The following AMBRA1 variants were observed in gnomAD, a reference collection of about 807,000 sequenced individuals.
AMBRA1 encodes activating molecule in BECN1-regulated autophagy protein 1.
In AMBRA1, 47 loss-of-function variants were observed where a neutral mutation model predicts 125.4. The ratio of observed to expected loss-of-function variants is 0.37; its 90% CI spans 0.30 to 0.48. AMBRA1 has a LOEUF of 0.48. Ranked by LOEUF, AMBRA1 falls within the 20% of genes least tolerant of loss-of-function variation. The pLI is 0.99. For missense variants in AMBRA1, 1,331 were observed against 1,693.4 expected (o/e 0.79, Z 3.76); for synonymous variants, 626 against 655.5 (o/e 0.95, Z 0.69).
intron 14 of AMBRA1, among the ~76,000 whole-genome samples, chr11:46,423,353 T>C (rs948819807): frequency 6.6e-6 from 1 of 152,166 alleles, no homozygotes. Flanking sequence ...AATTCAGAAT[T>C]CACAAAATGT....
chr11:46,438,716 A>C (rs1947851090), intron 12 of AMBRA1, among the ~76,000 whole-genome samples: 1 of 152,184 alleles, frequency 6.6e-6, no homozygotes, highest in African/African-American at 2.4e-5. Context: ...GGGTTTCTTA[A>C]GGCCTATTCT....
At chr11:46,401,032 C>CCTA (rs1945728631) in intron 17 of AMBRA1, among the ~76,000 whole-genome samples, 1 of 152,144 alleles carries the variant, frequency 6.6e-6, no homozygotes, top group Admixed American at 6.5e-5. Flanking sequence ...AAAAAGTCAA[C>CCTA]CTACGGCCTT....
At chr11:46,496,010 G>C (rs1052446948) in intron 9 of AMBRA1, among the ~76,000 whole-genome samples, 1 of 152,110 alleles carries the variant, frequency 6.6e-6, no homozygotes, top group Admixed American at 6.5e-5. Flanking sequence ...TCAGTTACCT[G>C]GGAGGACTGC....
chr11:46,427,316 T>TCAG (rs772856782), intron 14 of AMBRA1, among the ~76,000 whole-genome samples: 78 of 152,148 alleles, frequency 5.1e-4, no homozygotes, highest in Non-Finnish European at 6.6e-4. Flanking sequence ...ATGAACTTGA[T>TCAG]CAGCAGCAGC....
Position 46,408,650 on chromosome 11 carries a change from C to A in AMBRA1, c.3266G>T (p.Gly1089Val). 1 of 1,603,272 alleles carries A rather than the reference C, an allele frequency of 6.2e-7. No homozygotes were observed. The highest frequency in any genetic ancestry group is 8.5e-7 in the Non-Finnish European group (1 of 1,173,418). The change falls in exon 17 of 18, where the codon GGG (glycine) becomes GTG (valine). Residue 1089 changes from glycine to valine, a missense_variant. Coordinates refer to ENST00000683756, the MANE Select transcript of AMBRA1 (RefSeq NM_001387011.1). ...GGTGGCAGGGTTCCGGGGCTGAAGC[C>A]CAATGGCATTCATCAGCCCCATGTC... ...DRDMGLMNAI[G>V]LQPRNPATSV...
At chr11:46,435,904 C>T (rs1157252425) in intron 12 of AMBRA1, among the ~76,000 whole-genome samples, 3 of 152,204 alleles carry the variant, frequency 2.0e-5, no homozygotes, top group Non-Finnish European at 4.4e-5. Flanking sequence ...ATTTGAATCC[C>T]TCTGAGTCCC....
chr11:46,462,935 G>A lies in AMBRA1; in HGVS notation c.2522-19337C>T, dbSNP rs557992725. Among the ~76,000 whole-genome samples, 232 of 152,082 alleles carry A rather than the reference G, an allele frequency of 1.5e-3. 3 individuals are homozygous for A. The highest frequency in any genetic ancestry group is 6.8e-3 in the Middle Eastern group (2 of 294). ...TGTCTGGCTAATTTTTGTATTTTTA[G>A]TAGAGACGGGGTTTCACCATATTGG... is the stretch of plus-strand genomic sequence containing the variant. On this transcript the variant is annotated intron_variant, in intron 11 of 17. Coordinates refer to ENST00000683756, the MANE Select transcript of AMBRA1 (RefSeq NM_001387011.1).
intron 11 of AMBRA1, among the ~76,000 whole-genome samples, chr11:46,444,731 T>C (rs1465087962): frequency 6.6e-6 from 1 of 152,194 alleles, no homozygotes; most frequent in South Asian, 2.1e-4. Context: ...TTTTTTTCTT[T>C]TAGAGAGCGG....
At chr11:46,504,254 T>C (rs945294658) in intron 9 of AMBRA1, among the ~76,000 whole-genome samples, 4 of 152,194 alleles carry the variant, frequency 2.6e-5, no homozygotes, top group Non-Finnish European at 5.9e-5. Context: ...GGGGCAAGCA[T>C]AGCTGGAATA....
chr11:46,517,061 A>G (rs1951521720), intron 7 of AMBRA1, among the ~76,000 whole-genome samples: 1 of 151,292 alleles, frequency 6.6e-6, no homozygotes, highest in Non-Finnish European at 1.5e-5. Context: ...GGGTTGTGCT[A>G]TTTGATCCAT....
intron 11 of AMBRA1, among the ~76,000 whole-genome samples, chr11:46,444,073 G>C (rs1026327460): frequency 6.6e-6 from 1 of 152,126 alleles, no homozygotes; most frequent in African/African-American, 2.4e-5. Context: ...CTTCCTAATA[G>C]GACATCTCAA....
At chr11:46,549,483 T>G (rs1565284822) in intron 1 of AMBRA1, among the ~76,000 whole-genome samples, 1 of 152,232 alleles carries the variant, frequency 6.6e-6, no homozygotes, top group Non-Finnish European at 1.5e-5. Context: ...TTGGTGTTTT[T>G]TTTGTATAAT....
At chr11:46,553,849 T>C (rs1234047239) in intron 1 of AMBRA1, among the ~76,000 whole-genome samples, 1 of 152,126 alleles carries the variant, frequency 6.6e-6, no homozygotes, top group Non-Finnish European at 1.5e-5. Context: ...CTAGCCTGTA[T>C]CCTCATGATA....
intron 15 of AMBRA1, among the ~76,000 whole-genome samples, chr11:46,417,005 C>T (rs1946576366): frequency 1.3e-5 from 2 of 152,124 alleles, no homozygotes; most frequent in Non-Finnish European, 1.5e-5. Context: ...TCCCCTCCTA[C>T]TCCCTACTTC....
At chr11:46,564,166 G>C (rs1478852590) in intron 1 of AMBRA1, among the ~76,000 whole-genome samples, 1 of 126,756 alleles carries the variant, frequency 7.9e-6, no homozygotes, top group East Asian at 2.3e-4. Flanking sequence ...AAAAAAAAAC[G>C]TAAGAGCAAT....
intron 15 of AMBRA1, among the ~76,000 whole-genome samples, chr11:46,414,175 C>T (rs1946422458): frequency 6.6e-6 from 1 of 152,206 alleles, no homozygotes; most frequent in Admixed American, 6.5e-5. Flanking sequence ...TGGGACCATT[C>T]CCTTGGATAA....
At chr11:46,434,738 GTAGGGGCAGTA>G (rs1485880277) in intron 13 of AMBRA1, 100 bp downstream of exon 13, 2 of 1,130,284 alleles carry the variant, frequency 1.8e-6, no homozygotes, top group Non-Finnish European at 2.5e-6. Context: ...CCCAGTGAAG[GTAGGGGCAGTA>G]TGTGACCATT....
chr11:46,550,729 T>G (rs1024410529), intron 1 of AMBRA1, among the ~76,000 whole-genome samples: 1 of 152,112 alleles, frequency 6.6e-6, no homozygotes, highest in South Asian at 2.1e-4. Context: ...GATAACCAAG[T>G]GTCCATCTAA....
At chr11:46,496,805 T>TAA (rs767496674) in intron 9 of AMBRA1, among the ~76,000 whole-genome samples, 5 of 139,284 alleles carry the variant, frequency 3.6e-5, no homozygotes, top group African/African-American at 5.3e-5. Context: ...TCCCTTCATT[T>TAA]AAAAAAAAAA....
Sources: gnomAD v4.1 joint callset for allele counts (sites outside exome capture counted in the v4.1 genomes callset) on GRCh38, gnomAD v4.1.1 for gene constraint, MANE v1.5 for transcripts, NCBI Gene and HGNC (gene_info 2026-07-23, HGNC 2026-07-21) for gene names.